Variants in LRP1B observed in about 807,000 individuals in gnomAD.
The protein encoded by LRP1B is low-density lipoprotein receptor-related protein 1B.
Under a neutral mutation model 556.6 loss-of-function variants are expected in LRP1B, and 217 were observed. The observed-to-expected ratio is 0.39, with a 90% CI of 0.35 to 0.44. The LOEUF (loss-of-function observed/expected upper bound fraction) is 0.44, where lower values mean the gene tolerates loss of function less well. Among genes scored for constraint, LRP1B ranks in the 20% least tolerant of loss-of-function variants. The pLI is 1.00. For synonymous variants in LRP1B, 2,047 were observed against 1,865.8 expected (o/e 1.10, Z -2.50); for missense variants, 5,053 against 5,620.8 (o/e 0.90, Z 3.23).
intron 41 of LRP1B, among the ~76,000 whole-genome samples, chr2:140,615,845 T>C (rs2105237169): frequency 6.6e-6 from 1 of 152,180 alleles, no homozygotes; most frequent in Non-Finnish European, 1.5e-5. Flanking sequence ...TTTCCCCAAC[T>C]ATCTGTAAAT....
At chr2:141,979,224 G>A (rs1323867832) in intron 1 of LRP1B, among the ~76,000 whole-genome samples, 1 of 152,012 alleles carries the variant, frequency 6.6e-6, no homozygotes, top group Non-Finnish European at 1.5e-5. Flanking sequence ...CTCACAATTA[G>A]TAATTATAGG....
intron 3 of LRP1B, among the ~76,000 whole-genome samples, chr2:141,282,892 G>A (rs1344212491): frequency 1.3e-5 from 2 of 152,060 alleles, no homozygotes; most frequent in Non-Finnish European, 2.9e-5. Context: ...GTAAGCAGTT[G>A]GAGGCTAAGT....
intron 7 of LRP1B, among the ~76,000 whole-genome samples, chr2:141,150,869 TTGTGTGTGTGTGTGTGTG>T (rs56107003): frequency 3.6e-5 from 5 of 138,626 alleles, no homozygotes; most frequent in African/African-American, 5.4e-5. Flanking sequence ...TCATGCTGGT[TTGTGTGTGTGTGTGTGTG>T]TGTGTGTGTG....
intron 1 of LRP1B, among the ~76,000 whole-genome samples, chr2:142,111,587 A>T (rs1706990784): frequency 6.6e-6 from 1 of 152,144 alleles, no homozygotes. Context: ...CATCCTGAAA[A>T]GGATTTAAAG....
At chr2:141,622,929 A>C (rs1220145990) in intron 2 of LRP1B, among the ~76,000 whole-genome samples, 1 of 152,166 alleles carries the variant, frequency 6.6e-6, no homozygotes, top group African/African-American at 2.4e-5. Flanking sequence ...TGCCACCTTT[A>C]AAATAACAAG....
chr2:141,477,143 A>AACAAACAAAC (rs75379214), intron 3 of LRP1B, among the ~76,000 whole-genome samples: 4 of 150,894 alleles, frequency 2.7e-5, no homozygotes, highest in Non-Finnish European at 4.4e-5. Context: ...CAAACAAACA[A>AACAAACAAAC]AAAAAACCCC....
intron 7 of LRP1B, among the ~76,000 whole-genome samples, chr2:141,160,182 T>C (rs544184653): frequency 1.1e-4 from 16 of 152,266 alleles, no homozygotes; most frequent in South Asian, 8.3e-4. Flanking sequence ...TTGTTAGCCA[T>C]TGGGACATGA....
At chr2:140,877,380 T>C (rs753483164) in intron 25 of LRP1B, among the ~76,000 whole-genome samples, 9 of 152,100 alleles carry the variant, frequency 5.9e-5, no homozygotes, top group Non-Finnish European at 8.8e-5. Context: ...AAATCAAGAC[T>C]TAGCCACCTA....
Position 141,032,180 on chromosome 2 carries a change from T to C in LRP1B, c.1790-12078A>G, listed in dbSNP as rs539320236. 2.5e-4 allele frequency among the ~76,000 whole-genome samples: 38 copies of C among 152,224 alleles called. No individual in the cohort carries two copies. In the South Asian group the frequency reaches 7.9e-3, roughly 32 times the overall value. ...AATATCTTTTAACTCACTTTGTCTA[T>C]TTATGGGTTTTGTTGATTTAAGTAT... On this transcript the variant is annotated intron_variant, in intron 11 of 90. Transcript: ENST00000389484.
chr2:140,535,229 T>C (rs976835978), intron 46 of LRP1B, among the ~76,000 whole-genome samples: 3 of 152,144 alleles, frequency 2.0e-5, no homozygotes, highest in Admixed American at 2.0e-4. Flanking sequence ...TCATCTGACT[T>C]CTACAAAGAT....
At chr2:141,019,496 G>A (rs1417181527) in intron 12 of LRP1B, among the ~76,000 whole-genome samples, 1 of 152,002 alleles carries the variant, frequency 6.6e-6, no homozygotes, top group Non-Finnish European at 1.5e-5. Flanking sequence ...TTACAAAATA[G>A]GGTCAGAGTA....
chr2:140,631,580 G>A (rs185407267), intron 41 of LRP1B, among the ~76,000 whole-genome samples: 6 of 152,248 alleles, frequency 3.9e-5, no homozygotes, highest in East Asian at 3.9e-4. Flanking sequence ...TGAGCTCAAA[G>A]ACATGTCAGT....
In LRP1B at chr2:140,397,246, C is replaced by T. The variant is rs142610510; in HGVS notation, c.10415-11237G>A. Reference sequence around the variant, plus strand: ...TGTGCAGGTCTGTTGCACAGGTACACGTGTGCCATTGTGGTTTGCTGCACC... The same window carrying T: ...TGTGCAGGTCTGTTGCACAGGTACATGTGTGCCATTGTGGTTTGCTGCACC... On this transcript the variant is annotated intron_variant, in intron 66 of 90. Transcript: ENST00000389484. 2.4e-4 allele frequency among the ~76,000 whole-genome samples: 37 copies of T among 152,180 alleles called. 1 individual carries two copies. Among genetic ancestry groups the T allele is most frequent in the African/African-American group, 7.2e-4 (30 of 41,522 alleles).
chr2:141,193,087 T>C (rs1156274751), intron 6 of LRP1B, among the ~76,000 whole-genome samples: 1 of 152,002 alleles, frequency 6.6e-6, no homozygotes, highest in African/African-American at 2.4e-5. Context: ...AAATAACAGA[T>C]GCTGGCAAGG....
At chr2:141,746,808 T>G (rs558904441) in intron 2 of LRP1B, among the ~76,000 whole-genome samples, 4 of 152,288 alleles carry the variant, frequency 2.6e-5, no homozygotes, top group Admixed American at 6.5e-5. Context: ...AATGTCATAT[T>G]AATACCCTTA....
In LRP1B at chr2:140,250,522, C is replaced by CTT. The variant is rs373435206; in HGVS notation, c.13248-3362_13248-3361dup. 2.2e-4 allele frequency among the ~76,000 whole-genome samples: 32 copies of CTT among 146,534 alleles called. No individual in the cohort carries two copies. The East Asian group carries it at 5.2e-3, about 24-fold the overall frequency. ...GTATTGATTTAACATTCTTTGACTT[C>CTT]TTTTTTTTTTTCCTAGCATTATTTA... is the stretch of plus-strand genomic sequence containing the variant. On this transcript the variant is annotated intron_variant, in intron 86 of 90. Transcript: ENST00000389484.
intron 23 of LRP1B, among the ~76,000 whole-genome samples, chr2:140,889,034 T>C (rs1245908711): frequency 6.6e-6 from 1 of 151,646 alleles, no homozygotes; most frequent in Non-Finnish European, 1.5e-5. Context: ...AAATTATACC[T>C]TCCGATCTAA....
chr2:141,740,334 A>G (rs1438447148), intron 2 of LRP1B, among the ~76,000 whole-genome samples: 1 of 152,154 alleles, frequency 6.6e-6, no homozygotes, highest in African/African-American at 2.4e-5. Flanking sequence ...AATCAGTGTA[A>G]TATACTTATT....
rs1157877419 is a variant in LRP1B, at chr2:140,748,785, ATATATATTATATACATAT to A, written c.5758+20410_5758+20427del. The stretch of plus-strand genomic sequence containing the variant: ...TATACATGTATATAATATGTATATA[ATATATATTATATACATAT>A]TATATACATGTATATAATATATATC... On this transcript the variant is annotated intron_variant, in intron 35 of 90. Transcript: ENST00000389484. Among the ~76,000 whole-genome samples, 2 of 42,594 alleles carry A rather than the reference ATATATATTATATACATAT, an allele frequency of 4.7e-5. 1 individual carries two copies. Among genetic ancestry groups the A allele is most frequent in the Non-Finnish European group, 1.1e-4 (2 of 18,704 alleles). The allele number at this position is 42,594 out of a possible 152,430, so 27.9% of individuals were successfully genotyped here.
Sources: allele counts gnomAD v4.1 joint callset (sites outside exome capture counted in the v4.1 genomes callset), GRCh38; gene constraint gnomAD v4.1.1; transcripts MANE v1.5; gene names NCBI Gene and HGNC (gene_info 2026-07-23, HGNC 2026-07-21).